The following MIA2 variants were observed in gnomAD, a reference collection of about 807,000 sequenced individuals.
MIA2 encodes melanoma inhibitory activity protein 2.
MIA2 carries 127 observed loss-of-function variants against 167.8 expected under a neutral mutation model. That is an observed-to-expected ratio of 0.76 (90% CI 0.66 to 0.88). The LOEUF is 0.88. Among genes scored for constraint, MIA2 ranks in the 40% least tolerant of loss-of-function variants. MIA2 has a pLI of 0.00. For missense variants in MIA2, 1,690 were observed against 1,624.7 expected (o/e 1.04, Z -0.69); for synonymous variants, 552 against 541.9 (o/e 1.02, Z -0.26).
chr14:39,267,213 C>T, intron 6 of MIA2: 1 of 1,333,844 alleles, frequency 7.5e-7, no homozygotes, highest in Non-Finnish European at 9.6e-7. Flanking sequence ...TTGTGCGGGT[C>T]GGGCTCGGAC....
rs1383840742 is a variant in MIA2 at position 39,350,170 on chromosome 14, C to G, written c.4145C>G (p.Pro1382Arg). The G allele has an allele frequency of 6.9e-7, 1 of 1,445,688 alleles. No individual in the cohort carries two copies. The highest frequency in any genetic ancestry group is 9.5e-7 in the Non-Finnish European group (1 of 1,057,798). The allele number at this position is 1,445,688 out of a possible 1,614,324, so 89.6% of individuals were successfully genotyped here. A position where few individuals can be genotyped will look rare whatever the true frequency, so the allele number is the denominator to read the frequency against. The change falls in exon 29 of 29, where the codon CCA (proline) becomes CGA (arginine). Residue 1382 changes from proline to arginine, a missense_variant. Pro to Arg is a moderately radical substitution (Grantham distance 103, BLOSUM62 -2). Coordinates refer to ENST00000640607, the MANE Select transcript of MIA2 (RefSeq NM_001329214.4). ...AGACCTGGATTTTTCCCCCCACCCC[C>G]ACATTCTGAAGGTAGAAGTGAGTTC... ...PPRPGFFPPPPHSEGRSEFPS... is the reference protein window; with the variant it reads ...PPRPGFFPPPRHSEGRSEFPS...
Position 39,302,158 on chromosome 14 carries a change from A to G in MIA2, c.2649A>G (p.Lys883=). The G allele has an allele frequency of 6.2e-7, 1 of 1,613,738 alleles. No individual in the cohort carries two copies. The highest frequency in any genetic ancestry group is 8.5e-7 in the Non-Finnish European group (1 of 1,179,746). Residue 883 remains lysine, a synonymous_variant, in exon 15 of 29, where the codon AAA becomes AAG. Coordinates refer to ENST00000640607, the MANE Select transcript of MIA2 (RefSeq NM_001329214.4). ...KTLTERLLKM[K]DWAAMLGEDI... ...TGACTGAACGCTTGTTAAAGATGAA[A>G]GATTGGGCTGCTATGCTTGGAGAAG...
At chr14:39,300,098 A>C in intron 14 of MIA2, 112 bp downstream of exon 14, 1 of 1,354,418 alleles carries the variant, frequency 7.4e-7, no homozygotes, top group Non-Finnish European at 1.0e-6. Flanking sequence ...TTTTCATAAC[A>C]TATTTGGCCA....
intron 23 of MIA2, among the ~76,000 whole-genome samples, chr14:39,367,185 C>T (rs1438404217): frequency 6.6e-6 from 1 of 152,180 alleles, no homozygotes. Context: ...TGCTACAGTG[C>T]CCTATCCTTG....
rs1595348449 is a variant in MIA2 at position 39,302,261 on chromosome 14, T to C, written c.2740+12T>C. 2 of 1,612,674 alleles carry C rather than the reference T, an allele frequency of 1.2e-6. No homozygotes were observed. The highest frequency in any genetic ancestry group is 2.2e-5 in the East Asian group (1 of 44,796). ...TGGTGCTTACTTAGGTATTAAGTCA[T>C]GACTCATCTCCTTTTGCTAAAATGG... is the stretch of plus-strand genomic sequence containing the variant. On this transcript the variant is annotated intron_variant, in intron 15 of 28. Transcript: ENST00000640607.
intron 9 of MIA2, among the ~76,000 whole-genome samples, chr14:39,282,513 A>G (rs764839467): frequency 3.3e-5 from 5 of 152,226 alleles, no homozygotes; most frequent in Admixed American, 6.5e-5. Flanking sequence ...AATGCAGTAC[A>G]CTATTATTAA....
chr14:39,253,753 T>C (rs946486006), intron 6 of MIA2: 1 of 152,176 alleles, frequency 6.6e-6, no homozygotes, highest in Non-Finnish European at 1.5e-5. Context: ...CAAAAGCAAC[T>C]AATATATCAA....
chr14:39,326,659 T>C lies in MIA2; in HGVS notation c.3497-205T>C, dbSNP rs2067613004. Reference sequence around the variant, plus strand: ...TATTTTATATTTATTTTATATTATATTTTTTATTTAATCAGTTCTTATAAT... The same window carrying C: ...TATTTTATATTTATTTTATATTATACTTTTTATTTAATCAGTTCTTATAAT... On this transcript the variant is annotated intron_variant, in intron 24 of 28. Coordinates refer to ENST00000640607, the MANE Select transcript of MIA2 (RefSeq NM_001329214.4). 2.0e-5 allele frequency among the ~76,000 whole-genome samples: 3 copies of C among 149,686 alleles called. No homozygotes were observed. In the South Asian group the frequency reaches 6.2e-4, roughly 31 times the overall value.
chr14:39,282,660 A>G (rs2059115777), intron 9 of MIA2, among the ~76,000 whole-genome samples: 1 of 152,084 alleles, frequency 6.6e-6, no homozygotes, highest in Non-Finnish European at 1.5e-5. Context: ...TGCAGCCTCT[A>G]TCTCCTGGGC....
Position 39,347,922 on chromosome 14 carries a change from C to T in MIA2, c.3837+151C>T, listed in dbSNP as rs112876576. On this transcript the variant is annotated intron_variant, in intron 27 of 28. Transcript: ENST00000640607. ...CTGCAACCTGGGTTCAAGCAATTCT[C>T]CTGCCTCAGCCTCCTGAGTAGCTGG... 4.3e-3 allele frequency: 2,861 copies of T among 658,862 alleles called. 65 individuals carry two copies. The African/African-American group carries it at 0.047, about 11-fold the overall frequency. 40.8% of individuals were successfully genotyped at this position (658,862 alleles called of 1,614,324 possible).
intron 6 of MIA2, among the ~76,000 whole-genome samples, chr14:39,274,502 C>T (rs1161953184): frequency 6.7e-6 from 1 of 149,148 alleles, no homozygotes; most frequent in East Asian, 2.0e-4. Flanking sequence ...GTTCTTGGCT[C>T]ACTGTAGCCT....
At chr14:39,288,462 T>TTTTTTTTG (rs1566747993) in intron 9 of MIA2, among the ~76,000 whole-genome samples, 1 of 20,048 alleles carries the variant, frequency 5.0e-5, no homozygotes, top group African/African-American at 1.7e-4. Context: ...TATATATATA[T>TTTTTTTTG]ATATATATAT....
intron 23 of MIA2, among the ~76,000 whole-genome samples, chr14:39,319,637 A>T (rs2066065951): frequency 6.6e-6 from 1 of 152,062 alleles, no homozygotes; most frequent in Non-Finnish European, 1.5e-5. Flanking sequence ...GCTTACATGG[A>T]CTAGCATTGT....
intron 23 of MIA2, among the ~76,000 whole-genome samples, chr14:39,380,974 A>G (rs2075147196): frequency 6.6e-6 from 1 of 151,860 alleles, no homozygotes; most frequent in African/African-American, 2.4e-5. Context: ...TCCTTTCTTA[A>G]ACACCCAAGA....
chr14:39,330,281 G>T (rs1595705643), intron 25 of MIA2, among the ~76,000 whole-genome samples: 1 of 152,112 alleles, frequency 6.6e-6, no homozygotes, highest in African/African-American at 2.4e-5. Flanking sequence ...ATTCTCTGAT[G>T]GTAGTTTGTA....
intron 6 of MIA2, among the ~76,000 whole-genome samples, chr14:39,272,607 A>T (rs181873440): frequency 2.8e-4 from 42 of 152,316 alleles, no homozygotes; most frequent in Non-Finnish European, 5.3e-4. Flanking sequence ...TTTAAAAGAA[A>T]TACAAAAATT....
chr14:39,296,146 T>G (rs1024858071), intron 13 of MIA2, among the ~76,000 whole-genome samples: 1 of 152,210 alleles, frequency 6.6e-6, no homozygotes, highest in African/African-American at 2.4e-5. Flanking sequence ...GTTCCTCTTG[T>G]CTTTCTCCTG....
intron 13 of MIA2, among the ~76,000 whole-genome samples, chr14:39,295,793 C>T (rs1413213704): frequency 6.6e-6 from 1 of 152,122 alleles, no homozygotes; most frequent in Non-Finnish European, 1.5e-5. Flanking sequence ...CTCTTGACCT[C>T]GTGATCCGCC....
In MIA2 at chr14:39,321,046, A is replaced by G. The variant is rs763248073; in HGVS notation, c.3486A>G (p.Gly1162=). 2 of 1,611,654 alleles carry G rather than the reference A, an allele frequency of 1.2e-6. No individual in the cohort carries two copies. Among genetic ancestry groups the G allele is most frequent in the Non-Finnish European group, 1.7e-6 (2 of 1,178,854 alleles). The part of the protein sequence containing the change: ...PLRLSPLLPG[G]GGRGSRGPGN... ...GACTCTCACCTTTGCTTCCAGGGGGAGGAGGAAGAGGTATATTGTTTAAAC... is the reference window on the plus strand; with the variant it reads ...GACTCTCACCTTTGCTTCCAGGGGGGGGAGGAAGAGGTATATTGTTTAAAC... Residue 1162 remains glycine (G), a synonymous_variant, in exon 24 of 29, where the codon GGA becomes GGG. Coordinates refer to ENST00000640607, the MANE Select transcript of MIA2 (RefSeq NM_001329214.4).
Sources: gnomAD v4.1 joint callset for allele counts (sites outside exome capture counted in the v4.1 genomes callset) on GRCh38, gnomAD v4.1.1 for gene constraint, MANE v1.5 for transcripts, NCBI Gene and HGNC (gene_info 2026-07-23, HGNC 2026-07-21) for gene names.